DCTN2: variants seen among roughly 807,000 people sequenced by gnomAD.
DCTN2 encodes 50 kDa dynein-associated polypeptide.
A neutral mutation model predicts 55.4 loss-of-function variants in DCTN2; 18 were observed. That is an observed-to-expected ratio of 0.32 (90% CI 0.22 to 0.48). The LOEUF (loss-of-function observed/expected upper bound fraction) is 0.48, where lower values mean the gene tolerates loss of function less well. DCTN2 is among the 20% of genes least tolerant of loss of function. The probability of loss-of-function intolerance (pLI) is 0.99; values close to 1 mark genes in which losing one functional copy is unlikely to be tolerated. For missense variants in DCTN2, 390 were observed against 491.0 expected (o/e 0.79, Z 1.94); for synonymous variants, 168 against 185.2 (o/e 0.91, Z 0.76).
At chr12:57,543,359 G>GA (rs397749855) in intron 2 of DCTN2, among the ~76,000 whole-genome samples, 1 of 133,292 alleles carries the variant, frequency 7.5e-6, no homozygotes, top group Non-Finnish European at 1.5e-5. Context: ...AAAAAAAAAA[G>GA]AAAAAAAAAG....
chr12:57,530,856 G>C (rs1879623207), intron 13 of DCTN2, 81 bp from the exon 14 acceptor site: 1 of 1,211,378 alleles, frequency 8.3e-7, no homozygotes, highest in Non-Finnish European at 1.2e-6. Flanking sequence ...TTCTCTGAGA[G>C]AGAAGACAAG....
At chr12:57,543,551 C>A (rs549292640) in intron 2 of DCTN2, among the ~76,000 whole-genome samples, 1 of 152,098 alleles carries the variant, frequency 6.6e-6, no homozygotes, top group Admixed American at 6.6e-5. Context: ...TGCATATTTA[C>A]GTCAGTATTA....
intron 1 of DCTN2, 85 bp downstream of exon 1, chr12:57,546,943 G>T: frequency 1.8e-6 from 2 of 1,106,182 alleles, no homozygotes. Flanking sequence ...CTGCAGGCGG[G>T]AGGGGTCGCG....
At chr12:57,532,944 C>T (rs777240098) in intron 9 of DCTN2, 40 bp downstream of exon 9, 1 of 1,597,782 alleles carries the variant, frequency 6.3e-7, no homozygotes, top group South Asian at 1.1e-5. Flanking sequence ...CCCAACTATC[C>T]CCTCTGTGAT....
In DCTN2 at chr12:57,530,544, A is replaced by C. The variant is rs1879571366; in HGVS notation, c.*145T>G. 4.3e-6 allele frequency: 3 copies of C among 693,664 alleles called. No homozygotes were observed. Among genetic ancestry groups the C allele is most frequent in the Non-Finnish European group, 4.8e-6 (2 of 412,542 alleles). 43.0% of individuals were successfully genotyped at this position (693,664 alleles called of 1,614,324 possible). On this transcript the variant is annotated 3_prime_UTR_variant, in exon 14 of 14. Transcript: ENST00000548249. ...CTGTATTCATCAGGGGAGGGGTATA[A>C]ACCCCACATGCAAGAAGAACCCTTG...
chr12:57,546,609 A>C (rs1881184839), intron 1 of DCTN2, among the ~76,000 whole-genome samples: 1 of 152,086 alleles, frequency 6.6e-6, no homozygotes, highest in Non-Finnish European at 1.5e-5. Flanking sequence ...CATCTGGCAC[A>C]AGAGGGTTCT....
At chr12:57,538,478 C>T (rs1171209978) in intron 2 of DCTN2, 1 of 759,208 alleles carries the variant, frequency 1.3e-6, no homozygotes, top group Admixed American at 1.7e-5. Context: ...CTCATCATAG[C>T]ACACCCCGTT....
At chr12:57,542,982 C>T (rs758143746) in intron 2 of DCTN2, 7 of 455,864 alleles carry the variant, frequency 1.5e-5, no homozygotes, top group South Asian at 1.1e-4. Context: ...ACATTACCTA[C>T]TTTAAAAACT....
chr12:57,530,879 A>G, intron 13 of DCTN2, 104 bp from the exon 14 acceptor site: 1 of 1,012,824 alleles, frequency 9.9e-7, no homozygotes, highest in South Asian at 1.4e-5. Context: ...ATGGAAGCAC[A>G]ATTTGTGGGC....
chr12:57,534,017 C>G lies in DCTN2; in HGVS notation c.605G>C (p.Ser202Thr), dbSNP rs769924596. ...GGKTTGTPPDSSLVTYELHSR... is the reference protein window; with the variant it reads ...GGKTTGTPPDTSLVTYELHSR... The stretch of plus-strand genomic sequence containing the variant: ...ATGTAGTTCATAAGTGACAAGGCTG[C>G]TATCTGGGGGGGTCCCAGTGGTTTT... The change falls in exon 7 of 14, where the codon AGC becomes ACC. Residue 202 changes from serine (S) to threonine (T), a missense_variant. By Grantham distance (58) the Ser-to-Thr change is moderately conservative (BLOSUM62 1). Coordinates refer to ENST00000548249, the MANE Select transcript of DCTN2 (RefSeq NM_001261413.2). The G allele has an allele frequency of 1.2e-6, 2 of 1,613,638 alleles. No individual in the cohort carries two copies. Among genetic ancestry groups the G allele is most frequent in the South Asian group, 2.2e-5 (2 of 91,026 alleles).
chr12:57,540,299 G>C (rs943115816), intron 2 of DCTN2, among the ~76,000 whole-genome samples: 1 of 152,166 alleles, frequency 6.6e-6, no homozygotes, highest in Non-Finnish European at 1.5e-5. Flanking sequence ...ATGCGGATTG[G>C]GCAGAATAGG....
In DCTN2 at chr12:57,533,007, C is replaced by A; in HGVS notation, c.751G>T (p.Gly251Cys). The A allele has an allele frequency of 6.2e-7, 1 of 1,603,082 alleles. No homozygotes were observed. The highest frequency in any genetic ancestry group is 8.5e-7 in the Non-Finnish European group (1 of 1,174,972). ...DQDAQNPLSA[G>C]LQGACLMETV... is the part of the protein sequence containing the mutation. Reference sequence around the variant, plus strand: ...ACCATGAGACAGGCTCCCTGTAGACCTGCAGAAAGGGGATTCTGGTGGGAA... The same window carrying A: ...ACCATGAGACAGGCTCCCTGTAGACATGCAGAAAGGGGATTCTGGTGGGAA... Residue 251 changes from glycine (G) to cysteine (C), a missense_variant, in exon 9 of 14, where the codon GGT becomes TGT. Gly to Cys is a radical substitution (Grantham distance 159, BLOSUM62 -3). Coordinates refer to ENST00000548249, the MANE Select transcript of DCTN2 (RefSeq NM_001261413.2).
At position 57,536,853 on chromosome 12, in the gene DCTN2, G is replaced by A. The variant is rs1880275120; in HGVS notation, c.106-1008C>T. On this transcript the variant is annotated intron_variant, in intron 2 of 13. Transcript: ENST00000548249. ...TCCCAACAGAGTACTGATGGAAGTA[G>A]GAGGGAGACCCAGGAGTCCTTTTCT... 2.0e-5 allele frequency among the ~76,000 whole-genome samples: 3 copies of A among 152,224 alleles called. No homozygotes were observed. The South Asian group carries it at 6.2e-4, about 32-fold the overall frequency.
In DCTN2 at chr12:57,547,163, G is replaced by A; in HGVS notation, c.-100C>T. The A allele has an allele frequency of 7.0e-6, 7 of 1,007,096 alleles. No individual in the cohort carries two copies. The highest frequency in any genetic ancestry group is 9.1e-6 in the Non-Finnish European group (7 of 772,320). 62.4% of individuals were successfully genotyped at this position (1,007,096 alleles called of 1,614,324 possible). A position where few individuals can be genotyped will look rare whatever the true frequency, so the allele number is the denominator to read the frequency against. ...GGTTCGGGTCCCGGGCTAAGGCGGC[G>A]GCAAAGGGAGCGGCAGATGAGCAGG... On this transcript the variant is annotated 5_prime_UTR_variant, in exon 1 of 14. Coordinates refer to ENST00000548249, the MANE Select transcript of DCTN2 (RefSeq NM_001261413.2).
Position 57,532,267 on chromosome 12 carries a change from T to G in DCTN2, c.973A>C (p.Thr325Pro), listed in dbSNP as rs1037940742. 6.4e-7 allele frequency: 1 copy of G among 1,562,152 alleles called. No homozygotes were observed. The highest frequency in any genetic ancestry group is 1.4e-5 in the African/African-American group (1 of 73,300). Residue 325 changes from threonine (T) to proline (P), a missense_variant, in exon 12 of 14, where the codon ACC (threonine) becomes CCC (proline). Transcript: ENST00000548249. ...AGTCTCTGCACCAGCTCAGGGAGGG[T>G]GGAGGCAATGGGGCTCCAGCGCTGT... ...TIQRWSPIAS[T>P]LPELVQRLVT...
In DCTN2 at chr12:57,530,177, AG is replaced by A. The variant is rs1324717741; in HGVS notation, c.*511del. On this transcript the variant is annotated 3_prime_UTR_variant, in exon 14 of 14. Coordinates refer to ENST00000548249, the MANE Select transcript of DCTN2 (RefSeq NM_001261413.2). Reference sequence around the variant, plus strand: ...CTGGCTCTGTACTCATTTTTTATTTAGTTCTTTGGTAAGAACAGGTTACAAT... The same window carrying A: ...CTGGCTCTGTACTCATTTTTTATTTATTCTTTGGTAAGAACAGGTTACAAT... 2 of 152,568 alleles carry A rather than the reference AG, an allele frequency of 1.3e-5. No individual in the cohort carries two copies. The highest frequency in any genetic ancestry group is 4.8e-5 in the African/African-American group (2 of 41,460). 9.5% of individuals were successfully genotyped at this position (152,568 alleles called of 1,614,324 possible).
chr12:57,541,953 G>A (rs980297984), intron 2 of DCTN2, among the ~76,000 whole-genome samples: 8 of 152,190 alleles, frequency 5.3e-5, no homozygotes, highest in Admixed American at 5.2e-4. Flanking sequence ...TTTACTTCCT[G>A]CTAAAATTGT....
chr12:57,547,148 C>G lies in DCTN2; in HGVS notation c.-85G>C, dbSNP rs1317472916. 1.0e-5 allele frequency: 12 copies of G among 1,161,814 alleles called. No homozygotes were observed. The African/African-American group carries it at 1.8e-4, about 17-fold the overall frequency. The allele number at this position is 1,161,814 out of a possible 1,614,324, so 72.0% of individuals were successfully genotyped here. ...GTAGGGGAGAGGCTGGGTTCGGGTC[C>G]CGGGCTAAGGCGGCGGCAAAGGGAG... is the stretch of plus-strand genomic sequence containing the variant. On this transcript the variant is annotated 5_prime_UTR_variant, in exon 1 of 14. Transcript: ENST00000548249.
intron 2 of DCTN2, among the ~76,000 whole-genome samples, chr12:57,543,363 A>T (rs1339173506): frequency 6.8e-6 from 1 of 147,864 alleles, no homozygotes; most frequent in Non-Finnish European, 1.5e-5. Flanking sequence ...AAAAAAGAAA[A>T]AAAAAGAAGG....
Sources: gnomAD v4.1 joint callset for allele counts (sites outside exome capture counted in the v4.1 genomes callset) on GRCh38, gnomAD v4.1.1 for gene constraint, MANE v1.5 for transcripts, NCBI Gene and HGNC (gene_info 2026-07-23, HGNC 2026-07-21) for gene names.